The following KLHL29 variants were observed in gnomAD, a reference collection of about 807,000 sequenced individuals.
KLHL29 encodes kelch like family member 29.
Under a neutral mutation model 80.4 loss-of-function variants are expected in KLHL29, and 21 were observed. The ratio of observed to expected loss-of-function variants is 0.26; its 90% CI spans 0.19 to 0.38. The LOEUF is 0.38. Among genes scored for constraint, KLHL29 ranks in the 10% least tolerant of loss-of-function variants. The pLI is 1.00. For missense variants in KLHL29, 867 were observed against 1,223.9 expected (o/e 0.71, Z 4.35); for synonymous variants, 511 against 526.8 (o/e 0.97, Z 0.41).
At position 23,691,758 on chromosome 2, in the gene KLHL29, G is replaced by A; in HGVS notation, c.1164G>A (p.Leu388=). 6.4e-7 allele frequency: 1 copy of A among 1,551,790 alleles called. No homozygotes were observed. Among genetic ancestry groups the A allele is most frequent in the Non-Finnish European group, 8.7e-7 (1 of 1,147,018 alleles). Residue 388 remains leucine, a synonymous_variant, in exon 7 of 14, where the codon CTG becomes CTA. Transcript: ENST00000486442. The part of the protein sequence containing the change: ...SNLQADVLEL[L]LEFVYTGSLV... ...TGCAGGCAGACGTCCTGGAGTTGCTGCTGGAGTTTGTCTACACGGGCTCCC... is the reference window on the plus strand; with the variant it reads ...TGCAGGCAGACGTCCTGGAGTTGCTACTGGAGTTTGTCTACACGGGCTCCC...
intron 1 of KLHL29, among the ~76,000 whole-genome samples, chr2:23,451,390 C>G (rs985117827): frequency 5.3e-5 from 8 of 152,182 alleles, no homozygotes; most frequent in Admixed American, 2.0e-4. Context: ...GTTTGGGGAG[C>G]CTTGCTTGTT....
At chr2:23,563,892 T>C (rs1426970470) in intron 3 of KLHL29, among the ~76,000 whole-genome samples, 1 of 152,104 alleles carries the variant, frequency 6.6e-6, no homozygotes, top group East Asian at 1.9e-4. Context: ...GGAGGATTAT[T>C]TGGGCACGCT....
chr2:23,574,435 G>A (rs1024886437), intron 3 of KLHL29, among the ~76,000 whole-genome samples: 3 of 152,100 alleles, frequency 2.0e-5, no homozygotes, highest in African/African-American at 4.8e-5. Flanking sequence ...CCACCTCACC[G>A]GGCTGTTGTG....
intron 1 of KLHL29, among the ~76,000 whole-genome samples, chr2:23,437,072 G>T (rs940458030): frequency 1.3e-5 from 2 of 152,172 alleles, no homozygotes; most frequent in Non-Finnish European, 2.9e-5. Context: ...CCTTTGCTAG[G>T]GTTTAGCTGG....
At chr2:23,527,350 CA>C (rs1232770373) in intron 2 of KLHL29, among the ~76,000 whole-genome samples, 2 of 152,190 alleles carry the variant, frequency 1.3e-5, no homozygotes, top group Non-Finnish European at 2.9e-5. Flanking sequence ...GGGGGCTGGG[CA>C]GCATTAGTAT....
At chr2:23,667,631 C>T (rs541352778) in intron 5 of KLHL29, 1 of 152,298 alleles carries the variant, frequency 6.6e-6, no homozygotes, top group African/African-American at 2.4e-5. Context: ...AGCGTCACCA[C>T]CACTGCACGG....
At chr2:23,646,916 C>T (rs1170727638) in intron 5 of KLHL29, among the ~76,000 whole-genome samples, 6 of 152,314 alleles carry the variant, frequency 3.9e-5, no homozygotes, top group Middle Eastern at 3.4e-3. Flanking sequence ...AGTGAGATTG[C>T]GGACATGTCC....
intron 3 of KLHL29, among the ~76,000 whole-genome samples, chr2:23,603,241 G>A (rs1016275345): frequency 6.6e-6 from 1 of 152,196 alleles, no homozygotes; most frequent in Non-Finnish European, 1.5e-5. Context: ...TGTAGCTGCT[G>A]GAGCCAGAAA....
chr2:23,570,020 G>T (rs1220890861), intron 3 of KLHL29, among the ~76,000 whole-genome samples: 1 of 152,202 alleles, frequency 6.6e-6, no homozygotes, highest in African/African-American at 2.4e-5. Context: ...TAAAAGGAAG[G>T]TTTAGGAGAA....
intron 5 of KLHL29, among the ~76,000 whole-genome samples, chr2:23,662,495 G>A (rs1269123649): frequency 3.3e-5 from 5 of 152,194 alleles, no homozygotes; most frequent in Non-Finnish European, 5.9e-5. Flanking sequence ...CAGTTTCTAG[G>A]ACTGCAGCTT....
intron 6 of KLHL29, chr2:23,689,740 C>T (rs1468494750): frequency 4.6e-5 from 7 of 152,402 alleles, no homozygotes; most frequent in Non-Finnish European, 8.8e-5. Context: ...AATGAAGTCC[C>T]AGGCAGCAAA....
chr2:23,567,434 A>G (rs1335507463), intron 3 of KLHL29, among the ~76,000 whole-genome samples: 7 of 152,058 alleles, frequency 4.6e-5, no homozygotes, highest in Admixed American at 6.5e-5. Flanking sequence ...AGAAGAACCA[A>G]AAGGGGCTAT....
intron 2 of KLHL29, among the ~76,000 whole-genome samples, chr2:23,495,966 T>C (rs1665255698): frequency 6.6e-6 from 1 of 152,200 alleles, no homozygotes; most frequent in African/African-American, 2.4e-5. Flanking sequence ...AATCCTGGAG[T>C]TGCTGCCGAA....
rs991079725 is a variant in KLHL29 at position 23,647,413 on chromosome 2, G to A, written c.940+4563G>A. On this transcript the variant is annotated intron_variant, in intron 5 of 13. Transcript: ENST00000486442. The surrounding 1 kb of genome is among the most constrained non-coding windows in gnomAD (Gnocchi z 4.9). ...CTTCCTGTGTCTGTGCCTCAGAAAT[G>A]CCAACATGAATTCATTCAGGGTTCA... is the stretch of plus-strand genomic sequence containing the variant. Among the ~76,000 whole-genome samples, 3 of 152,188 alleles carry A rather than the reference G, an allele frequency of 2.0e-5. No individual in the cohort carries two copies. Among genetic ancestry groups the A allele is most frequent in the Admixed American group, 6.5e-5 (1 of 15,280 alleles).
chr2:23,528,949 G>T (rs533995755), intron 2 of KLHL29, among the ~76,000 whole-genome samples: 178 of 152,304 alleles, frequency 1.2e-3, no homozygotes, highest in Middle Eastern at 3.4e-3. Flanking sequence ...CTTGGGCCTT[G>T]GGAGTGGGAC....
At chr2:23,459,692 C>T (rs1243714735) in intron 1 of KLHL29, among the ~76,000 whole-genome samples, 1 of 152,194 alleles carries the variant, frequency 6.6e-6, no homozygotes, top group African/African-American at 2.4e-5. Context: ...TCGGTGCATG[C>T]ACTGTGATAG....
At position 23,594,358 on chromosome 2, in the gene KLHL29, C is replaced by T. The variant is rs935925697; in HGVS notation, c.285+31877C>T. Among the ~76,000 whole-genome samples the T allele has an allele frequency of 5.3e-5, 8 of 152,260 alleles. No individual in the cohort carries two copies. The East Asian group carries it at 5.8e-4, about 11-fold the overall frequency. On this transcript the variant is annotated intron_variant, in intron 3 of 13. Coordinates refer to ENST00000486442, the MANE Select transcript of KLHL29 (RefSeq NM_052920.2). ...CCGCAGACTTCCTGCCCGGCTCCTC[C>T]GGGCTCTGGAATGGCTCCCACCTGG...
intron 5 of KLHL29, chr2:23,672,736 C>T (rs1256820212): frequency 1.3e-5 from 2 of 152,650 alleles, no homozygotes; most frequent in African/African-American, 2.4e-5. Flanking sequence ...CTCACCCCAG[C>T]TCCAGGTGTC....
chr2:23,677,778 A>T (rs1670965402), intron 5 of KLHL29, among the ~76,000 whole-genome samples: 1 of 152,184 alleles, frequency 6.6e-6, no homozygotes, highest in South Asian at 2.1e-4. Flanking sequence ...CTCCTGGATG[A>T]ATTACCCTCT....
Sources: allele counts gnomAD v4.1 joint callset (sites outside exome capture counted in the v4.1 genomes callset), GRCh38; gene constraint gnomAD v4.1.1; non-coding constraint Gnocchi (gnomAD v3.1); transcripts MANE v1.5; gene names NCBI Gene and HGNC (gene_info 2026-07-23, HGNC 2026-07-21).